The following PDE11A variants were observed in gnomAD, a reference collection of about 807,000 sequenced individuals.
PDE11A encodes dual 3',5'-cyclic-AMP and -GMP phosphodiesterase 11A.
A neutral mutation model predicts 100.5 loss-of-function variants in PDE11A; 100 were observed. The ratio of observed to expected loss-of-function variants is 1.00; its 90% confidence interval spans 0.85 to 1.18. The LOEUF is 1.18. Ranked by LOEUF, PDE11A falls within the 50% of genes most tolerant of loss-of-function variation. PDE11A has a pLI of 0.00. For synonymous variants in PDE11A, 381 were observed against 420.8 expected (o/e 0.91, Z 1.16); for missense variants, 1,141 against 1,152.6 (o/e 0.99, Z 0.15).
intron 13 of PDE11A, among the ~76,000 whole-genome samples, chr2:177,703,758 A>G (rs3770023): frequency 0.65 from 98,422 of 152,070 alleles, 34,651 homozygotes; most frequent in East Asian, 0.84. Flanking sequence ...TGAATAAGGA[A>G]TGTTTTCTCC....
chr2:177,690,869 A>T (rs1309676863), intron 15 of PDE11A, among the ~76,000 whole-genome samples: 4 of 152,250 alleles, frequency 2.6e-5, no homozygotes, highest in African/African-American at 9.6e-5. Context: ...CTGATCACAG[A>T]CAACTTAGTG....
intron 2 of PDE11A, chr2:177,997,540 G>A: frequency 2.4e-6 from 2 of 828,110 alleles, no homozygotes; most frequent in Admixed American, 1.7e-5. Context: ...CTTTAATTTT[G>A]TTCTCTTCTG....
Position 177,631,613 on chromosome 2 carries a change from ATACATATATG to A in PDE11A, c.2647-2061_2647-2052del, listed in dbSNP as rs562472209. Among the ~76,000 whole-genome samples, 181 of 128,508 alleles carry A rather than the reference ATACATATATG, an allele frequency of 1.4e-3. 2 individuals are homozygous for A. Among genetic ancestry groups the A allele is most frequent in the African/African-American group, 5.7e-3 (178 of 31,346 alleles). 84.3% of individuals were successfully genotyped at this position (128,508 alleles called of 152,430 possible). On this transcript the variant is annotated intron_variant, in intron 19 of 19. Transcript: ENST00000286063. ...CACACATATATATGTGTGTATATAT[ATACATATATG>A]TGTGTGTATATATATACATATATAT...
intron 2 of PDE11A, among the ~76,000 whole-genome samples, chr2:178,085,471 G>A (rs1476033642): frequency 6.6e-6 from 1 of 151,774 alleles, no homozygotes; most frequent in Non-Finnish European, 1.5e-5. Context: ...CCAAACCTGA[G>A]CATCAAACAA....
intron 19 of PDE11A, among the ~76,000 whole-genome samples, chr2:177,633,500 CAG>C (rs930393864): frequency 2.0e-5 from 3 of 152,214 alleles, no homozygotes; most frequent in African/African-American, 7.2e-5. Flanking sequence ...GTCCTTAAGA[CAG>C]AGTATGTTCT....
chr2:177,732,011 C>T (rs2081699419), intron 10 of PDE11A, among the ~76,000 whole-genome samples: 1 of 152,208 alleles, frequency 6.6e-6, no homozygotes, highest in Non-Finnish European at 1.5e-5. Flanking sequence ...AATCTATCAT[C>T]TTTATCCAAA....
At chr2:178,073,590 GA>G (rs201804711), upstream of PDE11A, among the ~76,000 whole-genome samples, 3 of 151,612 alleles carry the variant, frequency 2.0e-5, no homozygotes, top group Admixed American at 6.6e-5. Flanking sequence ...GATTTAAAAA[GA>G]AAAAAAACAA....
chr2:177,882,386 A>G (rs2084357638), intron 4 of PDE11A, among the ~76,000 whole-genome samples: 2 of 152,242 alleles, frequency 1.3e-5, no homozygotes, highest in Admixed American at 1.3e-4. Context: ...AGAAATTATG[A>G]CCAATACCAA....
At chr2:177,859,538 C>A (rs1434995041) in intron 5 of PDE11A, among the ~76,000 whole-genome samples, 1 of 151,914 alleles carries the variant, frequency 6.6e-6, no homozygotes, top group Non-Finnish European at 1.5e-5. Context: ...GAGCCTTCAA[C>A]ATCTCACTTT....
chr2:178,105,823 C>G, intron 1 of PDE11A: 1 of 596,998 alleles, frequency 1.7e-6, no homozygotes, highest in Non-Finnish European at 2.4e-6. Context: ...GGGACCTTGG[C>G]CAGATTTCTG....
chr2:177,813,077 C>G (rs1215596874), intron 9 of PDE11A, among the ~76,000 whole-genome samples: 1 of 79,148 alleles, frequency 1.3e-5, no homozygotes, highest in Non-Finnish European at 2.5e-5. Context: ...CCTGAAGAAA[C>G]AGTCTGCCAT....
At chr2:178,012,840 T>C (rs1362729226) in intron 2 of PDE11A, among the ~76,000 whole-genome samples, 2 of 152,168 alleles carry the variant, frequency 1.3e-5, no homozygotes, top group African/African-American at 2.4e-5. Flanking sequence ...GGTATGGGTA[T>C]GTAGTGGTTA....
intron 2 of PDE11A, among the ~76,000 whole-genome samples, chr2:177,928,612 G>C (rs1012923009): frequency 2.6e-5 from 4 of 152,192 alleles, no homozygotes; most frequent in African/African-American, 9.6e-5. Flanking sequence ...AATTAACTTT[G>C]TTTAAAATAA....
rs1221315579 is a variant in PDE11A, at chr2:177,680,828, A to G, written c.2421T>C (p.Phe807=). The G allele has an allele frequency of 1.9e-6, 3 of 1,553,078 alleles. No individual in the cohort carries two copies. The highest frequency in any genetic ancestry group is 2.7e-6 in the Non-Finnish European group (3 of 1,125,934). ...CATAAACAAGAGCTTTTTCTTACCG[A>G]AATATATCACGATGGTTTTTGATGT... ...DWNIKNHRDI[F]RSMLMTACDL... The change falls in exon 16 of 20, where the codon TTT becomes TTC. Residue 807 remains phenylalanine (F), a splice_region_variant and synonymous_variant. Transcript: ENST00000286063.
chr2:178,000,672 T>C (rs968623244), intron 2 of PDE11A, among the ~76,000 whole-genome samples: 1 of 152,238 alleles, frequency 6.6e-6, no homozygotes, highest in African/African-American at 2.4e-5. Flanking sequence ...AAAGCCGTTA[T>C]TATTTTTTAA....
At chr2:177,892,794 G>A (rs943256364) in intron 4 of PDE11A, among the ~76,000 whole-genome samples, 4 of 152,152 alleles carry the variant, frequency 2.6e-5, no homozygotes, top group African/African-American at 7.2e-5. Context: ...GCCCCTCCAG[G>A]ACTAGGTCAC....
intron 19 of PDE11A, among the ~76,000 whole-genome samples, chr2:177,654,527 A>AG (rs1366905891): frequency 6.6e-6 from 1 of 152,164 alleles, no homozygotes; most frequent in Middle Eastern, 3.2e-3. Context: ...TCATAAAGAA[A>AG]GAAAGAAAAA....
At chr2:177,914,545 G>T (rs1470999324) in intron 2 of PDE11A, among the ~76,000 whole-genome samples, 1 of 152,086 alleles carries the variant, frequency 6.6e-6, no homozygotes, top group Non-Finnish European at 1.5e-5. Context: ...TCTGCAAAAA[G>T]TTGTTTTGAG....
intron 16 of PDE11A, among the ~76,000 whole-genome samples, chr2:177,679,282 C>T (rs559816952): frequency 4.0e-5 from 6 of 151,764 alleles, no homozygotes; most frequent in African/African-American, 1.2e-4. Context: ...TACTGTGCAA[C>T]GATAAAAGAT....
Sources: gnomAD v4.1 joint callset for allele counts (sites outside exome capture counted in the v4.1 genomes callset) on GRCh38, gnomAD v4.1.1 for gene constraint, MANE v1.5 for transcripts, NCBI Gene and HGNC (gene_info 2026-07-23, HGNC 2026-07-21) for gene names.